The following ERBB2 variants were observed in gnomAD, a reference collection of about 807,000 sequenced individuals.
ERBB2 encodes erb-b2 receptor tyrosine kinase 2, also known as receptor tyrosine-protein kinase erbB-2.
Under a neutral mutation model 149.0 loss-of-function variants are expected in ERBB2, and 61 were observed. The observed-to-expected ratio is 0.41, with a 90% CI of 0.33 to 0.51. ERBB2 has a LOEUF of 0.51. Among genes scored for constraint, ERBB2 ranks in the 20% least tolerant of loss-of-function variants. The pLI, the probability that ERBB2 is intolerant of heterozygous loss-of-function variation, is 0.25. For synonymous variants in ERBB2, 633 were observed against 678.8 expected, an observed-to-expected ratio of 0.93 and a Z score of 1.05; for missense variants, 1,205 against 1,655.1, an observed-to-expected ratio of 0.73 and a Z score of 4.72.
chr17:39,690,971 A>T (rs1208565718), upstream of ERBB2, among the ~76,000 whole-genome samples: 1 of 151,256 alleles, frequency 6.6e-6, no homozygotes, highest in African/African-American at 2.4e-5. Context: ...CTGACCTAAC[A>T]TGGAGAAACT....
chr17:39,711,284 C>T (rs147376630), intron 7 of ERBB2, among the ~76,000 whole-genome samples: 3 of 152,244 alleles, frequency 2.0e-5, no homozygotes, highest in East Asian at 1.9e-4. Context: ...CTCTGCCTTC[C>T]GCATTCAAGC....
At chr17:39,721,111 T>G (rs2059425590) in intron 16 of ERBB2, among the ~76,000 whole-genome samples, 1 of 152,034 alleles carries the variant, frequency 6.6e-6, no homozygotes, top group Non-Finnish European at 1.5e-5. Flanking sequence ...CACGCCTGGG[T>G]AATTTAAAAA....
chr17:39,695,704 T>TGCACACACACACACACACACAC (rs2057842622), upstream of ERBB2, among the ~76,000 whole-genome samples: 1 of 96,564 alleles, frequency 1.0e-5, no homozygotes, highest in Non-Finnish European at 2.0e-5. Flanking sequence ...GGTGCATGCA[T>TGCACACACACACACACACACAC]ACACACACAC....
intron 1 of ERBB2, chr17:39,688,623 A>G (rs536078824): frequency 6.6e-6 from 1 of 152,534 alleles, no homozygotes; most frequent in East Asian, 1.9e-4. Context: ...GACCCGCTTC[A>G]GAGGGCTATG....
chr17:39,727,726 T>C lies in ERBB2; in HGVS notation c.3450T>C (p.Pro1150=), dbSNP rs760679991. ...VNQPDVRPQP[P]SPREGPLPAA... ...AGCCAGATGTTCGGCCCCAGCCCCCTTCGCCCCGAGAGGGCCCTCTGCCTG... is the reference window on the plus strand; with the variant it reads ...AGCCAGATGTTCGGCCCCAGCCCCCCTCGCCCCGAGAGGGCCCTCTGCCTG... The change falls in exon 27 of 27, where the codon CCT becomes CCC. Residue 1150 remains proline (P), a synonymous_variant. Coordinates refer to ENST00000269571, the MANE Select transcript of ERBB2 (RefSeq NM_004448.4). This position sits in a 1 kb window ranked among gnomAD's most constrained non-coding sequence, Gnocchi z 4.3. 2 of 1,574,936 alleles carry C rather than the reference T, an allele frequency of 1.3e-6. No individual in the cohort carries two copies. Among genetic ancestry groups the C allele is most frequent in the Non-Finnish European group, 1.7e-6 (2 of 1,159,560 alleles).
intron 2 of ERBB2, among the ~76,000 whole-genome samples, chr17:39,689,798 A>G (rs1001285665): frequency 3.3e-5 from 5 of 151,800 alleles, no homozygotes; most frequent in Non-Finnish European, 5.9e-5. Context: ...CCAGCTACTC[A>G]GGAGGCTGAG....
Position 39,723,689 on chromosome 17 carries a change from C to A in ERBB2, c.2208+29C>A, listed in dbSNP as rs1334918374. On this transcript the variant is annotated intron_variant, in intron 18 of 26. Coordinates refer to ENST00000269571, the MANE Select transcript of ERBB2 (RefSeq NM_004448.4). This position sits in a 1 kb window ranked among gnomAD's most constrained non-coding sequence, Gnocchi z 6.2. ...AGGGCCAGGTCCTGGGGTGGGCGGC[C>A]CCAGAGGATGGGGGCGGTGCCTGGA... The A allele has an allele frequency of 6.3e-7, 1 of 1,590,190 alleles. No individual in the cohort carries two copies. The highest frequency in any genetic ancestry group is 8.6e-7 in the Non-Finnish European group (1 of 1,168,340).
chr17:39,717,272 T>TGGG, intron 14 of ERBB2, 48 bp from the exon 15 acceptor site: 3 of 1,520,364 alleles, frequency 2.0e-6, no homozygotes, highest in Non-Finnish European at 2.7e-6. Flanking sequence ...CCTACTGCCC[T>TGGG]GGGGGTGTCA....
chr17:39,704,386 C>T (rs1021790389), intron 1 of ERBB2, among the ~76,000 whole-genome samples: 18 of 152,050 alleles, frequency 1.2e-4, no homozygotes, highest in Non-Finnish European at 1.8e-4. Flanking sequence ...CCAGCCTGGC[C>T]AACATGGTGA....
Position 39,723,675 on chromosome 17 carries a change from C to G in ERBB2, c.2208+15C>G, listed in dbSNP as rs2145817656. The G allele has an allele frequency of 1.3e-6, 2 of 1,595,982 alleles. No individual in the cohort carries two copies. On this transcript the variant is annotated intron_variant, in intron 18 of 26. Transcript: ENST00000269571. The surrounding 1 kb of genome is among the most constrained non-coding windows in gnomAD (Gnocchi z 6.2). ...CAGTCTACAAGGTCAGGGCCAGGTC[C>G]TGGGGTGGGCGGCCCCAGAGGATGG... is the stretch of plus-strand genomic sequence containing the variant.
upstream of ERBB2, among the ~76,000 whole-genome samples, chr17:39,697,966 A>C (rs2145239067): frequency 6.6e-6 from 1 of 152,268 alleles, no homozygotes; most frequent in Non-Finnish European, 1.5e-5. Flanking sequence ...TGCTGGGATT[A>C]CAGGCATGAG....
rs2059785935 is a variant in ERBB2 at position 39,726,707 on chromosome 17, C to CTG, written c.2970+48_2970+49insTG. On this transcript the variant is annotated intron_variant, in intron 24 of 26. Coordinates refer to ENST00000269571, the MANE Select transcript of ERBB2 (RefSeq NM_004448.4). This position sits in a 1 kb window ranked among gnomAD's most constrained non-coding sequence, Gnocchi z 5.1. ...CCCTGCCTGTGGCTAAGAGCACCCT[C>CTG]CTGCAGAGGGTGGGAAGGAGAGATG... The CTG allele has an allele frequency of 3.1e-6, 5 of 1,599,830 alleles. No homozygotes were observed. Among genetic ancestry groups the CTG allele is most frequent in the Non-Finnish European group, 4.3e-6 (5 of 1,166,978 alleles).
chr17:39,725,957 G>A lies in ERBB2; in HGVS notation c.2872+104G>A, dbSNP rs2059734113. 2 of 1,261,276 alleles carry A rather than the reference G, an allele frequency of 1.6e-6. No individual in the cohort carries two copies. Among genetic ancestry groups the A allele is most frequent in the Non-Finnish European group, 2.2e-6 (2 of 891,480 alleles). The allele number at this position is 1,261,276 out of a possible 1,614,324, so 78.1% of individuals were successfully genotyped here. ...GGGACCAGGATGTATGTAGACCCAGGAGCCCTAGTATGTTAGGAGCCTCAA... is the reference window on the plus strand; with the variant it reads ...GGGACCAGGATGTATGTAGACCCAGAAGCCCTAGTATGTTAGGAGCCTCAA... On this transcript the variant is annotated intron_variant, in intron 23 of 26. Transcript: ENST00000269571. The surrounding 1 kb of genome is among the most constrained non-coding windows in gnomAD (Gnocchi z 4.6).
Position 39,726,799 on chromosome 17 carries a change from T to G in ERBB2, c.2971-16T>G. 6.2e-7 allele frequency: 1 copy of G among 1,607,928 alleles called. No individual in the cohort carries two copies. Among genetic ancestry groups the G allele is most frequent in the East Asian group, 2.2e-5 (1 of 44,784 alleles). ...GCTGGGGAGGGGCCACCATCCTGCC[T>G]CTCCTTCCTCCACAGAATGAGGACT... On this transcript the variant is annotated splice_polypyrimidine_tract_variant and intron_variant, in intron 24 of 26. Transcript: ENST00000269571. The surrounding 1 kb of genome is among the most constrained non-coding windows in gnomAD (Gnocchi z 5.1).
At chr17:39,710,624 C>T in intron 7 of ERBB2, 143 bp downstream of exon 7, 2 of 1,022,090 alleles carry the variant, frequency 2.0e-6, no homozygotes, top group East Asian at 2.6e-5. Flanking sequence ...GTTCTTTCAA[C>T]AGCTGTGGAG....
chr17:39,703,621 A>G (rs576128216), intron 1 of ERBB2, among the ~76,000 whole-genome samples: 3 of 152,350 alleles, frequency 2.0e-5, no homozygotes, highest in Non-Finnish European at 2.9e-5. Context: ...AATATTCACC[A>G]AGTTGCAGGT....
intron 15 of ERBB2, chr17:39,717,713 G>C: frequency 2.3e-6 from 1 of 430,128 alleles, no homozygotes; most frequent in Non-Finnish European, 4.1e-6. Context: ...ATTTTTGTCT[G>C]TGCACATTCT....
Position 39,700,145 on chromosome 17 carries a change from C to G in ERBB2, c.-94C>G. On this transcript the variant is annotated 5_prime_UTR_variant, in exon 1 of 27. Coordinates refer to ENST00000269571, the MANE Select transcript of ERBB2 (RefSeq NM_004448.4). ...TCCCACGGGGCCCTTTACTGCGCCG[C>G]GCGCCCGGCCCCCACCCCTCGCAGC... 4 of 1,318,658 alleles carry G rather than the reference C, an allele frequency of 3.0e-6. No individual in the cohort carries two copies. The highest frequency in any genetic ancestry group is 3.8e-6 in the Non-Finnish European group (4 of 1,041,750). The allele number at this position is 1,318,658 out of a possible 1,614,324, so 81.7% of individuals were successfully genotyped here.
intron 2 of ERBB2, among the ~76,000 whole-genome samples, chr17:39,689,456 T>A (rs1432591887): frequency 1.3e-5 from 2 of 152,222 alleles, no homozygotes; most frequent in Non-Finnish European, 2.9e-5. Flanking sequence ...ACAGATTAGT[T>A]CTTTTACAAT....
Sources: gnomAD v4.1 joint callset for allele counts (sites outside exome capture counted in the v4.1 genomes callset) on GRCh38, gnomAD v4.1.1 for gene constraint, Gnocchi (gnomAD v3.1) non-coding constraint, MANE v1.5 for transcripts, NCBI Gene and HGNC (gene_info 2026-07-23, HGNC 2026-07-21) for gene names.